The following CLIP2 variants were observed in gnomAD, a reference collection of about 807,000 sequenced individuals.
The protein encoded by CLIP2 is CAP-Gly domain-containing linker protein 2.
A neutral mutation model predicts 111.7 loss-of-function variants in CLIP2; 41 were observed. That is an observed-to-expected ratio of 0.37 (90% CI 0.29 to 0.48). The LOEUF is 0.48. Among genes scored for constraint, CLIP2 ranks in the 20% least tolerant of loss-of-function variants. CLIP2 has a pLI of 0.99. For missense variants in CLIP2, 1,160 were observed against 1,422.1 expected, an observed-to-expected ratio of 0.82 and a Z score of 2.96; for synonymous variants, 660 against 644.2, an observed-to-expected ratio of 1.02 and a Z score of -0.37.
In CLIP2 at chr7:74,307,274, T is replaced by C. The variant is rs137996840; in HGVS notation, c.-67-10206T>C. 4.9e-3 allele frequency among the ~76,000 whole-genome samples: 738 copies of C among 152,164 alleles called. 5 individuals carry two copies. The highest frequency in any genetic ancestry group is 0.014 in the African/African-American group (584 of 41,530). On this transcript the variant is annotated intron_variant, in intron 1 of 16. Coordinates refer to ENST00000223398, the MANE Select transcript of CLIP2 (RefSeq NM_003388.5). ...CCCCAGAGGCCAGGGGGCTCACAAA[T>C]GTTATTCCAGGGCTGGGCTCGGCAG...
chr7:74,396,314 C>A (rs1035419780), intron 13 of CLIP2, among the ~76,000 whole-genome samples: 1 of 152,008 alleles, frequency 6.6e-6, no homozygotes, highest in African/African-American at 2.4e-5. Context: ...GTAATCCCAG[C>A]GTTTTGGGAA....
Position 74,405,822 on chromosome 7 carries a change from C to G in CLIP2, c.*1974C>G, listed in dbSNP as rs1791761448. 6.6e-6 allele frequency: 1 copy of G among 152,644 alleles called. No homozygotes were observed. The highest frequency in any genetic ancestry group is 1.5e-5 in the Non-Finnish European group (1 of 68,098). 9.5% of individuals were successfully genotyped at this position (152,644 alleles called of 1,614,324 possible). A position where few individuals can be genotyped will look rare whatever the true frequency, so the allele number is the denominator to read the frequency against. ...GCCCCGTGTGGCCGCCCGGGTGTGG[C>G]TCAGCCATGTCCCCTCCCCAGGTCC... On this transcript the variant is annotated 3_prime_UTR_variant, in exon 17 of 17. Coordinates refer to ENST00000223398, the MANE Select transcript of CLIP2 (RefSeq NM_003388.5).
chr7:74,384,208 C>T (rs1355079544), intron 11 of CLIP2, among the ~76,000 whole-genome samples: 1 of 151,816 alleles, frequency 6.6e-6, no homozygotes, highest in Non-Finnish European at 1.5e-5. Flanking sequence ...ACAACGACAA[C>T]AAAACAAAAC....
At chr7:74,342,185 C>A in intron 3 of CLIP2, among the ~76,000 whole-genome samples, 1 of 151,208 alleles carries the variant, frequency 6.6e-6, no homozygotes, top group East Asian at 2.0e-4. Context: ...AGACCAGCCT[C>A]ACCAATATGT....
chr7:74,385,729 C>T (rs1166416334), intron 11 of CLIP2, among the ~76,000 whole-genome samples: 12 of 143,140 alleles, frequency 8.4e-5, no homozygotes, highest in Admixed American at 5.7e-4. Context: ...CACATAGTGT[C>T]GGGTCTTCTT....
intron 1 of CLIP2, among the ~76,000 whole-genome samples, chr7:74,304,482 C>T (rs1373372020): frequency 1.2e-4 from 18 of 150,548 alleles, no homozygotes; most frequent in African/African-American, 3.2e-4. Flanking sequence ...GCCGAGATCA[C>T]GCCATTGCAC....
chr7:74,315,616 G>T (rs763375915), intron 1 of CLIP2, among the ~76,000 whole-genome samples: 23 of 151,730 alleles, frequency 1.5e-4, no homozygotes, highest in Non-Finnish European at 2.8e-4. Context: ...TGTTGCCCAG[G>T]CTGGAGTGCA....
chr7:74,394,948 C>G (rs1791405323), intron 13 of CLIP2, among the ~76,000 whole-genome samples: 1 of 152,150 alleles, frequency 6.6e-6, no homozygotes, highest in Non-Finnish European at 1.5e-5. Flanking sequence ...ACAGGATGCC[C>G]CTCTGCTGAG....
chr7:74,365,053 C>CTGTGTGTGTGTGTG (rs1790442624), intron 8 of CLIP2, among the ~76,000 whole-genome samples: 1 of 92,342 alleles, frequency 1.1e-5, no homozygotes, highest in African/African-American at 3.9e-5. Context: ...GTGTGTGTGA[C>CTGTGTGTGTGTGTG]TGTCTCAAAA....
At chr7:74,384,825 A>C (rs573339036) in intron 11 of CLIP2, among the ~76,000 whole-genome samples, 1 of 152,022 alleles carries the variant, frequency 6.6e-6, no homozygotes, top group South Asian at 2.1e-4. Flanking sequence ...AGTGACTTAG[A>C]ATCGGCACAT....
intron 3 of CLIP2, among the ~76,000 whole-genome samples, chr7:74,346,718 C>CAAAAAAA (rs1214324954): frequency 1.5e-3 from 84 of 55,840 alleles, no homozygotes; most frequent in African/African-American, 2.4e-3. Context: ...GTAAGATTCT[C>CAAAAAAA]AAAAAAAAAA....
At chr7:74,367,222 G>A (rs544669609) in intron 8 of CLIP2, among the ~76,000 whole-genome samples, 8 of 150,812 alleles carry the variant, frequency 5.3e-5, no homozygotes, top group South Asian at 2.1e-4. Context: ...ATGGAGTCTC[G>A]CTCTGTCACC....
rs1554312801 is a variant in CLIP2 at position 74,376,236 on chromosome 7, A to C, written c.1835A>C (p.Asn612Thr). The change falls in exon 10 of 17, where the codon AAC becomes ACC. Residue 612 changes from asparagine (N) to threonine (T), a missense_variant. Coordinates refer to ENST00000223398, the MANE Select transcript of CLIP2 (RefSeq NM_003388.5). The surrounding 1 kb of genome is among the most constrained non-coding windows in gnomAD (Gnocchi z 7.1). ...ATSENMGLMD[N>T]WKSKLDSLAS... is the part of the protein sequence containing the mutation. ...AGCGAGAACATGGGGCTAATGGACA[A>C]CTGGAAATCCAAGCTGGACTCGCTG... 6.8e-6 allele frequency: 11 copies of C among 1,612,594 alleles called. No individual in the cohort carries two copies. Among genetic ancestry groups the C allele is most frequent in the Admixed American group, 6.7e-5 (4 of 59,758 alleles).
chr7:74,306,702 G>A (rs564330545), intron 1 of CLIP2, among the ~76,000 whole-genome samples: 18 of 152,228 alleles, frequency 1.2e-4, no homozygotes, highest in African/African-American at 2.9e-4. Flanking sequence ...ATGCCACCCC[G>A]CCCTCGCCTG....
chr7:74,359,474 C>A (rs914658006), intron 6 of CLIP2, among the ~76,000 whole-genome samples: 1 of 151,318 alleles, frequency 6.6e-6, no homozygotes, highest in African/African-American at 2.4e-5. Context: ...CTGCCTCAGC[C>A]TCCCAAGTAG....
chr7:74,353,818 C>G, intron 3 of CLIP2, 62 bp from the exon 4 acceptor site: 1 of 1,612,456 alleles, frequency 6.2e-7, no homozygotes, highest in Non-Finnish European at 8.5e-7. Context: ...GGCTGGGTGC[C>G]CCTGCCATCT....
At position 74,296,646 on chromosome 7, in the gene CLIP2, G is replaced by A. The variant is rs556489475; in HGVS notation, c.-68+6912G>A. On this transcript the variant is annotated intron_variant, in intron 1 of 16. Transcript: ENST00000223398. ...CTACTAAAAAGATAAAAAATTAGCCGGGTGTGGTGGTGTGCACCTATAGTC... is the reference window on the plus strand; with the variant it reads ...CTACTAAAAAGATAAAAAATTAGCCAGGTGTGGTGGTGTGCACCTATAGTC... 1.8e-4 allele frequency among the ~76,000 whole-genome samples: 26 copies of A among 143,272 alleles called. 1 individual carries two copies. In the South Asian group the frequency reaches 2.6e-3, roughly 15 times the overall value. 94.0% of individuals were successfully genotyped at this position (143,272 alleles called of 152,430 possible). A position where few individuals can be genotyped will look rare whatever the true frequency, so the allele number is the denominator to read the frequency against.
chr7:74,308,568 G>A (rs1012195309), intron 1 of CLIP2, among the ~76,000 whole-genome samples: 1 of 151,876 alleles, frequency 6.6e-6, no homozygotes, highest in African/African-American at 2.4e-5. Flanking sequence ...ATGGTGGTGC[G>A]ATGTCAGCTC....
rs1554732567 is a variant in CLIP2 at position 74,338,440 on chromosome 7, C to G, written c.122-8C>G. The G allele has an allele frequency of 6.2e-7, 1 of 1,611,626 alleles. No homozygotes were observed. The highest frequency in any genetic ancestry group is 1.1e-5 in the South Asian group (1 of 90,818). On this transcript the variant is annotated splice_polypyrimidine_tract_variant and splice_region_variant and intron_variant, in intron 2 of 16. Coordinates refer to ENST00000223398, the MANE Select transcript of CLIP2 (RefSeq NM_003388.5). This position sits in a 1 kb window ranked among gnomAD's most constrained non-coding sequence, Gnocchi z 4.3. Reference sequence around the variant, plus strand: ...CACCTCTTTCCCTTTCCCTCTCCTTCTCTGCAGGCTCCCCACTGCACAAAC... The same window carrying G: ...CACCTCTTTCCCTTTCCCTCTCCTTGTCTGCAGGCTCCCCACTGCACAAAC...
Sources: allele counts gnomAD v4.1 joint callset (sites outside exome capture counted in the v4.1 genomes callset), GRCh38; gene constraint gnomAD v4.1.1; non-coding constraint Gnocchi (gnomAD v3.1); transcripts MANE v1.5; gene names NCBI Gene and HGNC (gene_info 2026-07-23, HGNC 2026-07-21).